The following SCNN1B variants were observed in gnomAD, a reference collection of about 807,000 sequenced individuals.
The protein encoded by SCNN1B is epithelial sodium channel subunit beta.
Under a neutral mutation model 65.3 loss-of-function variants are expected in SCNN1B, and 46 were observed. The ratio of observed to expected loss-of-function variants is 0.70; its 90% CI spans 0.56 to 0.90. SCNN1B has a LOEUF of 0.90. SCNN1B is among the 40% of genes least tolerant of loss of function. The pLI is 0.00. For missense variants in SCNN1B, 751 were observed against 830.5 expected, an observed-to-expected ratio of 0.90 and a Z score of 1.18; for synonymous variants, 349 against 330.6, an observed-to-expected ratio of 1.06 and a Z score of -0.60.
chr16:23,371,570 C>T, intron 6 of SCNN1B, 108 bp downstream of exon 6: 3 of 1,238,952 alleles, frequency 2.4e-6, no homozygotes, highest in Non-Finnish European at 3.5e-6. Flanking sequence ...CCCCCCAGCC[C>T]TGGCCTTCCT....
At chr16:23,305,534 TTATATATATATATATATATATATA>T (rs56338840) in intron 1 of SCNN1B, among the ~76,000 whole-genome samples, 1 of 7,372 alleles carries the variant, frequency 1.4e-4, no homozygotes, top group Non-Finnish European at 2.6e-4. Flanking sequence ...AATATATATA[TTATATATATATATATATATATATA>T]TATATATATA....
At chr16:23,304,764 A>G (rs1396471341) in intron 1 of SCNN1B, among the ~76,000 whole-genome samples, 1 of 152,136 alleles carries the variant, frequency 6.6e-6, no homozygotes, top group Non-Finnish European at 1.5e-5. Context: ...AGAATCAGAG[A>G]CACTACATTA....
intron 1 of SCNN1B, among the ~76,000 whole-genome samples, chr16:23,340,487 T>A (rs888135072): frequency 3.3e-5 from 5 of 152,122 alleles, no homozygotes; most frequent in Non-Finnish European, 7.4e-5. Flanking sequence ...GATTCCCTTT[T>A]AAAAAAATAT....
chr16:23,378,031 CAG>C (rs1188871264), intron 10 of SCNN1B, among the ~76,000 whole-genome samples: 3 of 152,100 alleles, frequency 2.0e-5, no homozygotes, highest in Non-Finnish European at 4.4e-5. Context: ...TTTTTGGAGA[CAG>C]GGGCTTCCTC....
chr16:23,279,983 T>C (rs1020341437), intron 1 of SCNN1B, among the ~76,000 whole-genome samples: 2 of 152,208 alleles, frequency 1.3e-5, no homozygotes, highest in Admixed American at 1.3e-4. Context: ...CCAGAAGGAA[T>C]GCACCTGGTT....
intron 8 of SCNN1B, among the ~76,000 whole-genome samples, chr16:23,376,603 A>G (rs767106381): frequency 7.4e-4 from 112 of 152,118 alleles, no homozygotes; most frequent in Non-Finnish European, 1.0e-3. Flanking sequence ...GGCGGTCTGG[A>G]GTCCAACCAC....
intron 1 of SCNN1B, among the ~76,000 whole-genome samples, chr16:23,328,912 C>T (rs1048869344): frequency 6.6e-6 from 1 of 151,646 alleles, no homozygotes; most frequent in Non-Finnish European, 1.5e-5. Flanking sequence ...CCTCCGACCT[C>T]AGCCTCCTGA....
At chr16:23,309,873 A>G (rs1961304007) in intron 1 of SCNN1B, among the ~76,000 whole-genome samples, 1 of 152,176 alleles carries the variant, frequency 6.6e-6, no homozygotes, top group Non-Finnish European at 1.5e-5. Flanking sequence ...TGTTCCTAGA[A>G]GCTCCTCTGT....
At chr16:23,295,998 C>G (rs918487363) in intron 2 of SCNN1B, among the ~76,000 whole-genome samples, 2 of 152,182 alleles carry the variant, frequency 1.3e-5, no homozygotes, top group Non-Finnish European at 2.9e-5. Flanking sequence ...GCTGGCTGCA[C>G]CCTGTGTGAT....
chr16:23,355,824 C>T (rs1251980246), intron 4 of SCNN1B, among the ~76,000 whole-genome samples: 1 of 151,804 alleles, frequency 6.6e-6, no homozygotes, highest in Non-Finnish European at 1.5e-5. Flanking sequence ...GGGTGGGTGG[C>T]TTACCCCTGT....
upstream of SCNN1B, among the ~76,000 whole-genome samples, chr16:23,301,366 A>AAAAAAAAAAG (rs796515589): frequency 0.044 from 6,394 of 146,414 alleles, 669 homozygotes; most frequent in African/African-American, 0.17. Context: ...TGTCAAAAAA[A>AAAAAAAAAAG]AAAGAAAGAA....
chr16:23,375,023 G>T (rs1596886277), intron 7 of SCNN1B, among the ~76,000 whole-genome samples: 2 of 152,136 alleles, frequency 1.3e-5, no homozygotes, highest in Admixed American at 1.3e-4. Context: ...CCAAGCCCCA[G>T]AGGGTCATGA....
intron 4 of SCNN1B, among the ~76,000 whole-genome samples, chr16:23,360,166 C>A (rs188498196): frequency 6.6e-6 from 1 of 151,004 alleles, no homozygotes; most frequent in East Asian, 1.9e-4. Context: ...CCACTGCACT[C>A]CAGCCTGGGA....
chr16:23,349,018 T>C (rs1020724458), intron 2 of SCNN1B, 108 bp downstream of exon 2: 40 of 904,394 alleles, frequency 4.4e-5, no homozygotes, highest in Non-Finnish European at 6.5e-5. Context: ...TTCTCCTTTC[T>C]CTCCTTCTCT....
chr16:23,377,545 T>C (rs2142045724), intron 10 of SCNN1B, among the ~76,000 whole-genome samples, 159 bp downstream of exon 10: 1 of 109,262 alleles, frequency 9.2e-6, no homozygotes, highest in Admixed American at 9.3e-5. Flanking sequence ...TTCTCTGCTT[T>C]ATTCCTTCCT....
chr16:23,301,457 GA>G (rs1232574517), upstream of SCNN1B, among the ~76,000 whole-genome samples: 1 of 134,584 alleles, frequency 7.4e-6, no homozygotes, highest in Non-Finnish European at 1.5e-5. Context: ...AGAAAGAAAA[GA>G]AAAGAAAAAT....
At chr16:23,346,787 T>C (rs1290529164) in intron 1 of SCNN1B, among the ~76,000 whole-genome samples, 2 of 148,522 alleles carry the variant, frequency 1.3e-5, no homozygotes, top group Non-Finnish European at 3.0e-5. Flanking sequence ...CTCCAAGGAC[T>C]CTCAGACCTG....
chr16:23,364,351 T>A (rs1962607359), intron 4 of SCNN1B, among the ~76,000 whole-genome samples: 1 of 152,130 alleles, frequency 6.6e-6, no homozygotes, highest in Non-Finnish European at 1.5e-5. Flanking sequence ...AGCCAGTATC[T>A]GAAGAGCTGG....
intron 4 of SCNN1B, among the ~76,000 whole-genome samples, chr16:23,365,576 A>AAAGT: frequency 1.2e-5 from 1 of 86,002 alleles, no homozygotes; most frequent in South Asian, 3.6e-4. Context: ...AGAAAGAAAG[A>AAAGT]AAGAAAGAAA....
Sources: gnomAD v4.1 joint callset for allele counts (sites outside exome capture counted in the v4.1 genomes callset) on GRCh38, gnomAD v4.1.1 for gene constraint, MANE v1.5 for transcripts, NCBI Gene and HGNC (gene_info 2026-07-23, HGNC 2026-07-21) for gene names.